TTC23L: variants seen among roughly 807,000 people sequenced by gnomAD.
TTC23L encodes the protein tetratricopeptide repeat protein 23-like.
TTC23L carries 42 observed loss-of-function variants against 48.1 expected under a neutral mutation model. The ratio of observed to expected loss-of-function variants is 0.87; its 90% CI spans 0.68 to 1.13. The LOEUF (loss-of-function observed/expected upper bound fraction) is 1.13. Ranked by LOEUF, TTC23L falls within the 50% of genes most tolerant of loss-of-function variation. The probability of loss-of-function intolerance (pLI) is 0.00; values close to 1 mark genes in which losing one functional copy is unlikely to be tolerated. For synonymous variants in TTC23L, 159 were observed against 157.2 expected (o/e 1.01, Z -0.09); for missense variants, 391 against 421.0 (o/e 0.93, Z 0.62).
At chr5:34,922,995 TTA>T in the TTC23L span, 7 of 1,515,388 alleles carry the variant, frequency 4.6e-6, no homozygotes, top group Non-Finnish European at 6.4e-6. Flanking sequence ...TACCTTATTT[TTA>T]TAGGCTTTTG....
At chr5:34,845,564 A>G in exon 3 of TTC23L, 1 of 1,614,010 alleles carries the variant, frequency 6.2e-7, no homozygotes, top group African/African-American at 1.3e-5. Flanking sequence ...GAGAGTGAAG[A>G]GGAAACTAAA....
At position 34,879,865 on chromosome 5, in the gene TTC23L, G is replaced by A. The variant is rs533596289; in HGVS notation, c.950-316G>A. ...ACAAAAATTAGCCGGGCATGGTGGCGCACACGTGTAGTTCCAGCTACTCGG... is the reference window on the plus strand; with the variant it reads ...ACAAAAATTAGCCGGGCATGGTGGCACACACGTGTAGTTCCAGCTACTCGG... On this transcript the variant is annotated intron_variant, in intron 8 of 10. Coordinates refer to ENST00000505624, the Ensembl canonical transcript of TTC23L. Among the ~76,000 whole-genome samples, 11 of 152,164 alleles carry A rather than the reference G, an allele frequency of 7.2e-5. No individual in the cohort carries two copies. The South Asian group carries it at 1.7e-3, about 23-fold the overall frequency.
At chr5:34,845,431 C>T in intron 2 of TTC23L, 56 bp from the exon 3 acceptor site, 1 of 1,545,848 alleles carries the variant, frequency 6.5e-7, no homozygotes, top group South Asian at 1.2e-5. Flanking sequence ...TCAATTTTAC[C>T]TTGTTTGAGA....
At chr5:34,862,600 C>T (rs189146940) in intron 4 of TTC23L, among the ~76,000 whole-genome samples, 6 of 152,038 alleles carry the variant, frequency 3.9e-5, no homozygotes, top group Non-Finnish European at 7.4e-5. Context: ...AACTGAGGTA[C>T]GAAGGCTAAT....
intron 8 of TTC23L, among the ~76,000 whole-genome samples, chr5:34,875,580 G>A (rs1761777377): frequency 6.6e-6 from 1 of 152,048 alleles, no homozygotes; most frequent in Non-Finnish European, 1.5e-5. Context: ...GATTAAGGGT[G>A]GGTCTGCCTC....
intron 10 of TTC23L, among the ~76,000 whole-genome samples, chr5:34,898,206 A>G (rs1319450335): frequency 6.6e-6 from 1 of 152,208 alleles, no homozygotes; most frequent in Non-Finnish European, 1.5e-5. Context: ...CTTTGACTTT[A>G]TTACCTTCTA....
In TTC23L at chr5:34,840,241, G is replaced by C. The variant is rs1270269537; in HGVS notation, c.-7-424G>C. 3.5e-5 allele frequency among the ~76,000 whole-genome samples: 5 copies of C among 142,788 alleles called. 1 individual carries two copies. 93.7% of individuals were successfully genotyped at this position (142,788 alleles called of 152,430 possible). Reference sequence around the variant, plus strand: ...TATTAATTAGTGAAATGACCCCGGGGGGGGGGGGGAAAGCAGAATTAACCA... The same window carrying C: ...TATTAATTAGTGAAATGACCCCGGGCGGGGGGGGGAAAGCAGAATTAACCA... On this transcript the variant is annotated intron_variant, in intron 1 of 10. Coordinates refer to ENST00000505624, the Ensembl canonical transcript of TTC23L.
At chr5:34,862,833 G>A in intron 4 of TTC23L, 65 bp from the exon 5 acceptor site, 2 of 1,592,588 alleles carry the variant, frequency 1.3e-6, no homozygotes, top group East Asian at 2.2e-5. Context: ...TCCCAGGAAT[G>A]TTTTTGACTG....
At chr5:34,846,612 T>C (rs1759195581) in intron 3 of TTC23L, among the ~76,000 whole-genome samples, 1 of 134,280 alleles carries the variant, frequency 7.4e-6, no homozygotes, top group African/African-American at 2.9e-5. Context: ...CACACACATA[T>C]ATATACACAC....
chr5:34,876,779 A>G (rs1264858281), intron 8 of TTC23L, among the ~76,000 whole-genome samples: 1 of 151,840 alleles, frequency 6.6e-6, no homozygotes, highest in African/African-American at 2.4e-5. Context: ...AAAGAAAACT[A>G]TAGATCAGTG....
At chr5:34,852,536 C>G (rs1043261637) in intron 4 of TTC23L, among the ~76,000 whole-genome samples, 5 of 152,080 alleles carry the variant, frequency 3.3e-5, no homozygotes, top group Admixed American at 6.6e-5. Context: ...ACCAGTTAGG[C>G]CGTTATCCTG....
At chr5:34,912,361 A>G in the TTC23L span, among the ~76,000 whole-genome samples, 13 of 152,342 alleles carry the variant, frequency 8.5e-5, no homozygotes, top group African/African-American at 3.1e-4. Context: ...TAACTCTGCA[A>G]ACCACTAGAG....
intron 2 of TTC23L, among the ~76,000 whole-genome samples, chr5:34,844,236 C>T (rs1052750726): frequency 2.5e-4 from 38 of 152,154 alleles, no homozygotes; most frequent in African/African-American, 9.2e-4. Context: ...CGTCTGTGGG[C>T]AGAAGGCAAG....
At chr5:34,866,771 C>A in intron 6 of TTC23L, 121 bp from the exon 7 acceptor site, 1 of 865,734 alleles carries the variant, frequency 1.2e-6, no homozygotes, top group Non-Finnish European at 1.7e-6. Flanking sequence ...ATTTTTGAGC[C>A]AGCTACCAAG....
chr5:34,908,425 T>A, the TTC23L span: 3 of 161,860 alleles, frequency 1.9e-5, no homozygotes, highest in Non-Finnish European at 4.0e-5. Context: ...TCCGCCCACC[T>A]CGGCTTCCCA....
the TTC23L span, chr5:34,911,468 A>C: frequency 6.8e-7 from 1 of 1,479,414 alleles, no homozygotes; most frequent in East Asian, 2.3e-5. Context: ...AATGTGGATA[A>C]TAAAAATTTT....
chr5:34,857,980 G>A (rs1042613088), intron 4 of TTC23L, among the ~76,000 whole-genome samples: 2 of 130,504 alleles, frequency 1.5e-5, no homozygotes, highest in Non-Finnish European at 1.8e-5. Context: ...GGGTAGCTCT[G>A]AGCAGATTTT....
intron 1 of TTC23L, 52 bp from the exon 2 acceptor site, chr5:34,840,613 A>G: frequency 6.6e-7 from 1 of 1,510,918 alleles, no homozygotes; most frequent in Middle Eastern, 1.7e-4. Flanking sequence ...GGGAAAATAG[A>G]ACAGACACCC....
chr5:34,860,470 C>T (rs569338800), intron 4 of TTC23L, among the ~76,000 whole-genome samples: 1 of 152,200 alleles, frequency 6.6e-6, no homozygotes, highest in Non-Finnish European at 1.5e-5. Context: ...TCCTTGGTTA[C>T]CACCTGAAAC....
Sources: allele counts gnomAD v4.1 joint callset (sites outside exome capture counted in the v4.1 genomes callset), GRCh38; gene constraint gnomAD v4.1.1; transcripts MANE v1.5; gene names NCBI Gene and HGNC (gene_info 2026-07-23, HGNC 2026-07-21).